Variants in DOCK3 observed in about 807,000 individuals in gnomAD.
The protein encoded by DOCK3 is dedicator of cytokinesis 3.
Under a neutral mutation model 265.6 loss-of-function variants are expected in DOCK3, and 60 were observed. The observed-to-expected ratio is 0.23, with a 90% CI of 0.18 to 0.28. The LOEUF (loss-of-function observed/expected upper bound fraction) is 0.28. DOCK3 is among the 10% of genes least tolerant of loss of function. DOCK3 has a pLI of 1.00. For missense variants in DOCK3, 1,981 were observed against 2,594.3 expected, an observed-to-expected ratio of 0.76 and a Z score of 5.14; for synonymous variants, 881 against 938.0, an observed-to-expected ratio of 0.94 and a Z score of 1.11.
At chr3:50,680,448 A>G (rs2034319274) in intron 1 of DOCK3, among the ~76,000 whole-genome samples, 1 of 149,618 alleles carries the variant, frequency 6.7e-6, no homozygotes, top group South Asian at 2.1e-4. Context: ...TCCTGACCTC[A>G]AGTGATCTGC....
chr3:51,122,857 C>T lies in DOCK3; in HGVS notation c.747-23692C>T, dbSNP rs555341558. On this transcript the variant is annotated intron_variant, in intron 9 of 52. Coordinates refer to ENST00000266037, the MANE Select transcript of DOCK3 (RefSeq NM_004947.5). ...GGACATAGAGATAGATTAGGGAGAACGATGCTGGGACACTTTGATACTCTC... is the reference window on the plus strand; with the variant it reads ...GGACATAGAGATAGATTAGGGAGAATGATGCTGGGACACTTTGATACTCTC... Among the ~76,000 whole-genome samples the T allele has an allele frequency of 5.9e-5, 9 of 152,316 alleles. No homozygotes were observed. In the South Asian group the frequency reaches 1.0e-3, roughly 18 times the overall value.
At chr3:50,729,815 C>G (rs1460153910) in intron 1 of DOCK3, among the ~76,000 whole-genome samples, 1 of 149,128 alleles carries the variant, frequency 6.7e-6, no homozygotes, top group African/African-American at 2.5e-5. Context: ...TGTGCCTGCT[C>G]TGAATTTCAT....
intron 5 of DOCK3, among the ~76,000 whole-genome samples, chr3:50,986,635 T>C (rs1438745692): frequency 6.6e-6 from 1 of 152,244 alleles, no homozygotes; most frequent in African/African-American, 2.4e-5. Flanking sequence ...TTCTTTTGGA[T>C]TTTCTCTGTT....
intron 4 of DOCK3, among the ~76,000 whole-genome samples, chr3:50,906,554 G>A (rs1030780452): frequency 6.6e-6 from 1 of 152,006 alleles, no homozygotes; most frequent in East Asian, 1.9e-4. Context: ...TTTGTGTAGA[G>A]GTGTTTATAG....
At chr3:50,711,383 T>A in intron 1 of DOCK3, among the ~76,000 whole-genome samples, 1 of 151,554 alleles carries the variant, frequency 6.6e-6, no homozygotes, top group Middle Eastern at 3.2e-3. Flanking sequence ...TGCCTCAGCC[T>A]CCCGAGTAGC....
At chr3:50,790,433 A>G (rs1382366670) in intron 2 of DOCK3, among the ~76,000 whole-genome samples, 3 of 104,870 alleles carry the variant, frequency 2.9e-5, no homozygotes, top group Admixed American at 8.6e-5. Flanking sequence ...AGGAGGTTCT[A>G]TTTTGGTGTA....
At chr3:51,312,712 A>G in intron 30 of DOCK3, 132 bp from the exon 31 acceptor site, 1 of 1,240,468 alleles carries the variant, frequency 8.1e-7, no homozygotes. Flanking sequence ...AGTTCAGTCG[A>G]GAGCCCAAAG....
rs147898866 is a variant in DOCK3, at chr3:50,868,901, G to GTTT, written c.163-21102_163-21100dup. On this transcript the variant is annotated intron_variant, in intron 3 of 52. Coordinates refer to ENST00000266037, the MANE Select transcript of DOCK3 (RefSeq NM_004947.5). ...CTGATTTTATTTATTTGGATAATCT[G>GTTT]TTTTTTTTTTTTTTTTTTTTTTTTT... Among the ~76,000 whole-genome samples, 30 of 14,294 alleles carry GTTT rather than the reference G, an allele frequency of 2.1e-3. 2 individuals carry two copies. The highest frequency in any genetic ancestry group is 2.9e-3 in the African/African-American group (12 of 4,148). The allele number at this position is 14,294 out of a possible 152,430, so 9.4% of individuals were successfully genotyped here.
intron 21 of DOCK3, among the ~76,000 whole-genome samples, chr3:51,243,854 C>A (rs2078714143): frequency 6.6e-6 from 1 of 152,110 alleles, no homozygotes; most frequent in Non-Finnish European, 1.5e-5. Flanking sequence ...GGTCTTTGAT[C>A]CACTTTGAGT....
In DOCK3 at chr3:51,330,273, G is replaced by A. The variant is rs369580679; in HGVS notation, c.3488+50G>A. 3 of 1,535,242 alleles carry A rather than the reference G, an allele frequency of 2.0e-6. No homozygotes were observed. The African/African-American group carries it at 4.1e-5, about 21-fold the overall frequency. On this transcript the variant is annotated intron_variant, in intron 33 of 52. Transcript: ENST00000266037. ...ACCACACTGGGGGATGGGATGAAGT[G>A]GGCCAATGAAAAGTAGAGGTTGCAA...
In DOCK3 at chr3:50,905,369, C is replaced by T. The variant is rs145257245; in HGVS notation, c.218+15288C>T. Among the ~76,000 whole-genome samples, 129 of 152,136 alleles carry T rather than the reference C, an allele frequency of 8.5e-4. 1 individual carries two copies. Among genetic ancestry groups the T allele is most frequent in the African/African-American group, 2.9e-3 (120 of 41,456 alleles). The stretch of plus-strand genomic sequence containing the variant: ...ACCTTGGGCAGTATGGCCATTTTCA[C>T]GATATTGCTTCTTCCTATCCATGAG... On this transcript the variant is annotated intron_variant, in intron 4 of 52. Transcript: ENST00000266037.
rs1387648451 is a variant in DOCK3 at position 50,861,421 on chromosome 3, G to A, written c.162+19706G>A. 3.3e-5 allele frequency among the ~76,000 whole-genome samples: 5 copies of A among 152,312 alleles called. No individual in the cohort carries two copies. The East Asian group carries it at 9.6e-4, about 29-fold the overall frequency. On this transcript the variant is annotated intron_variant, in intron 3 of 52. Coordinates refer to ENST00000266037, the MANE Select transcript of DOCK3 (RefSeq NM_004947.5). ...GTATATTCTGTGGTAGTTGCTTGGA[G>A]TATTCTGTAGATGTCTATTAGGTCA... is the stretch of plus-strand genomic sequence containing the variant.
At chr3:51,103,542 C>T (rs1576086340) in intron 9 of DOCK3, among the ~76,000 whole-genome samples, 1 of 152,156 alleles carries the variant, frequency 6.6e-6, no homozygotes, top group African/African-American at 2.4e-5. Context: ...ATAAGCTACT[C>T]CCAAGATACT....
At chr3:50,748,044 A>C (rs1302552831) in intron 1 of DOCK3, among the ~76,000 whole-genome samples, 1 of 152,228 alleles carries the variant, frequency 6.6e-6, no homozygotes, top group Non-Finnish European at 1.5e-5. Flanking sequence ...TGTTATCTGC[A>C]AGTAGAGTTT....
At chr3:50,699,417 G>A (rs187446119) in intron 1 of DOCK3, among the ~76,000 whole-genome samples, 19 of 149,842 alleles carry the variant, frequency 1.3e-4, no homozygotes. Flanking sequence ...ATTTTCAGAT[G>A]GATTTTTTCT....
chr3:50,943,283 T>A (rs1341699422), intron 5 of DOCK3, among the ~76,000 whole-genome samples: 1 of 152,100 alleles, frequency 6.6e-6, no homozygotes, highest in East Asian at 1.9e-4. Flanking sequence ...ATCTCTGTTT[T>A]GTAAATATCT....
intron 51 of DOCK3, among the ~76,000 whole-genome samples, chr3:51,376,734 C>A (rs1174504819): frequency 6.6e-6 from 1 of 152,208 alleles, no homozygotes; most frequent in Admixed American, 6.5e-5. Context: ...ATCACGTTAT[C>A]ATCGTATCTG....
intron 5 of DOCK3, among the ~76,000 whole-genome samples, chr3:50,986,643 G>A (rs1000429842): frequency 6.6e-6 from 1 of 152,058 alleles, no homozygotes; most frequent in South Asian, 2.1e-4. Flanking sequence ...GATTTTCTCT[G>A]TTAACATTAT....
At chr3:51,337,881 A>T (rs1047180739) in intron 35 of DOCK3, among the ~76,000 whole-genome samples, 5 of 152,196 alleles carry the variant, frequency 3.3e-5, no homozygotes, top group African/African-American at 1.2e-4. Context: ...CAGGAAGGAA[A>T]CCATAGGGAG....
Sources: allele counts gnomAD v4.1 joint callset (sites outside exome capture counted in the v4.1 genomes callset), GRCh38; gene constraint gnomAD v4.1.1; transcripts MANE v1.5; gene names NCBI Gene and HGNC (gene_info 2026-07-23, HGNC 2026-07-21).